The following KRT10 variants were observed in gnomAD, a reference collection of about 807,000 sequenced individuals.
The protein encoded by KRT10 is keratin, type I cytoskeletal 10.
Under a neutral mutation model 59.2 loss-of-function variants are expected in KRT10, and 40 were observed. The observed-to-expected ratio is 0.68, with a 90% CI of 0.52 to 0.88. KRT10 has a LOEUF of 0.88. Among genes scored for constraint, KRT10 ranks in the 40% least tolerant of loss-of-function variants. The pLI is 0.00. For missense variants in KRT10, 719 were observed against 749.1 expected, an observed-to-expected ratio of 0.96 and a Z score of 0.47; for synonymous variants, 336 against 310.7, an observed-to-expected ratio of 1.08 and a Z score of -0.86.
Position 40,820,625 on chromosome 17 carries a change from G to A in KRT10, c.753C>T (p.Asp251=). The A allele has an allele frequency of 6.2e-7, 1 of 1,614,196 alleles. No homozygotes were observed. Among genetic ancestry groups the A allele is most frequent in the Non-Finnish European group, 8.5e-7 (1 of 1,180,040 alleles). Residue 251 remains aspartate, a synonymous_variant, in exon 3 of 8, where the codon GAC becomes GAT. Transcript: ENST00000269576. The part of the protein sequence containing the change: ...EVALRQSVEA[D]INGLRRVLDE... Reference sequence around the variant, plus strand: ...CCAGCACCCTACGCAGGCCGTTGATGTCAGCCTCCACGCTCTGGCGCAGAG... The same window carrying A: ...CCAGCACCCTACGCAGGCCGTTGATATCAGCCTCCACGCTCTGGCGCAGAG...
intron 6 of KRT10, 86 bp from the exon 7 acceptor site, chr17:40,819,247 G>A: frequency 6.3e-7 from 1 of 1,579,266 alleles, no homozygotes; most frequent in Non-Finnish European, 8.5e-7. Context: ...TAGAAAATAA[G>A]CAAAACGTGT....
At chr17:40,818,553 T>G in intron 7 of KRT10, 71 bp from the exon 8 acceptor site, 1 of 1,293,374 alleles carries the variant, frequency 7.7e-7, no homozygotes, top group South Asian at 1.2e-5. Context: ...GCAAATATTG[T>G]AAAAAGAAGG....
At position 40,819,511 on chromosome 17, in the gene KRT10, A is replaced by T. The variant is rs759776596; in HGVS notation, c.1373+6T>A. 2 of 1,611,346 alleles carry T rather than the reference A, an allele frequency of 1.2e-6. No homozygotes were observed. Among genetic ancestry groups the T allele is most frequent in the Non-Finnish European group, 1.7e-6 (2 of 1,177,442 alleles). ...AACTGGGATAACTTTTCATTTTAAA[A>T]TTTACCTTCCCTCTCCTTCTAGCAG... is the stretch of plus-strand genomic sequence containing the variant. On this transcript the variant is annotated splice_donor_region_variant and intron_variant, in intron 6 of 7. Coordinates refer to ENST00000269576, the MANE Select transcript of KRT10 (RefSeq NM_000421.5).
At position 40,819,429 on chromosome 17, in the gene KRT10, T is replaced by C; in HGVS notation, c.1373+88A>G. ...CCTCTCTCCTCCCTTCCTCTCATTC[T>C]CTGGCATCTTCTTGGGGTTTAGATA... On this transcript the variant is annotated intron_variant, in intron 6 of 7. Coordinates refer to ENST00000269576, the MANE Select transcript of KRT10 (RefSeq NM_000421.5). The C allele has an allele frequency of 2.2e-6, 3 of 1,362,894 alleles. No individual in the cohort carries two copies. In the East Asian group the frequency reaches 6.9e-5, roughly 31 times the overall value. 84.4% of individuals were successfully genotyped at this position (1,362,894 alleles called of 1,614,324 possible). A position where few individuals can be genotyped will look rare whatever the true frequency, so the allele number is the denominator to read the frequency against.
At position 40,819,119 on chromosome 17, in the gene KRT10, G is replaced by GCCGCCGCCGAAACTTCCGCCGCCGCGT; in HGVS notation, c.1389_1415dup (p.Arg464_Gly472dup). The GCCGCCGCCGAAACTTCCGCCGCCGCGT allele has an allele frequency of 1.3e-6, 2 of 1,524,004 alleles. No homozygotes were observed. Among genetic ancestry groups the GCCGCCGCCGAAACTTCCGCCGCCGCGT allele is most frequent in the Non-Finnish European group, 1.7e-6 (2 of 1,145,450 alleles). 94.4% of individuals were successfully genotyped at this position (1,524,004 alleles called of 1,614,324 possible). On this transcript the variant is annotated inframe_insertion, in exon 7 of 8. Coordinates refer to ENST00000269576, the MANE Select transcript of KRT10 (RefSeq NM_000421.5). ...CGCCGCCGGAGCTTCCGCCGCCGTA[G>GCCGCCGCCGAAACTTCCGCCGCCGCGT]CCGCCGCCGAAACTTCCGCCGCCGC...
At chr17:40,821,687 T>G (rs1165832643) in intron 1 of KRT10, among the ~76,000 whole-genome samples, 1 of 152,160 alleles carries the variant, frequency 6.6e-6, no homozygotes, top group African/African-American at 2.4e-5. Context: ...GCCTAGCATA[T>G]TTTAACTGTG....
chr17:40,822,081 C>T lies in KRT10; in HGVS notation c.505G>A (p.Glu169Lys). The change falls in exon 1 of 8, where the codon GAA becomes AAA. Residue 169 changes from glutamate to lysine, a missense_variant. This residue lies in a region of KRT10 where 221 missense variants were observed against 277.8 expected (regional missense o/e 0.80). Coordinates refer to ENST00000269576, the MANE Select transcript of KRT10 (RefSeq NM_000421.5). ...SYLDKVRALE[E>K]SNYELEGKIK... ...TTGCCTTCCAGCTCATAGTTTGATT[C>T]TTCCAGAGCCCGAACTTTGTCCAAG... The T allele has an allele frequency of 6.2e-7, 1 of 1,614,126 alleles. No individual in the cohort carries two copies. The highest frequency in any genetic ancestry group is 8.5e-7 in the Non-Finnish European group (1 of 1,180,024).
chr17:40,819,558 A>C lies in KRT10; in HGVS notation c.1332T>G (p.Asn444Lys), dbSNP rs779973990. The C allele has an allele frequency of 6.8e-6, 11 of 1,614,200 alleles. No homozygotes were observed. Among genetic ancestry groups the C allele is most frequent in the Non-Finnish European group, 9.3e-6 (11 of 1,180,042 alleles). Residue 444 changes from asparagine to lysine, a missense_variant, in exon 6 of 8, where the codon AAT becomes AAG. Physicochemically the swap from Asn to Lys is moderately conservative, Grantham distance 94. This residue lies in a region of KRT10 where 315 missense variants were observed against 270.6 expected (regional missense o/e 1.16). Coordinates refer to ENST00000269576, the MANE Select transcript of KRT10 (RefSeq NM_000421.5). ...QLLDIKIRLE[N>K]EIQTYRSLLE... ...GCAGGCTGCGGTAGGTTTGAATTTC[A>C]TTCTCCAGTCGGATCTTAATATCCA...
At chr17:40,820,813 T>G in intron 2 of KRT10, 146 bp from the exon 3 acceptor site, 6 of 1,044,364 alleles carry the variant, frequency 5.7e-6, no homozygotes, top group Non-Finnish European at 8.5e-6. Context: ...TAATAGTGGT[T>G]TAATGGAAAA....
Position 40,818,851 on chromosome 17 carries a change from A to ATCCGCCGCCGGAGCT in KRT10, c.1683_1684insAGCTCCGGCGGCGGA (p.Gly565_His566insGlySerSerGlyGly). 7.1e-7 allele frequency: 1 copy of ATCCGCCGCCGGAGCT among 1,404,492 alleles called. No homozygotes were observed. Among genetic ancestry groups the ATCCGCCGCCGGAGCT allele is most frequent in the Non-Finnish European group, 9.5e-7 (1 of 1,054,678 alleles). The allele number at this position is 1,404,492 out of a possible 1,614,324, so 87.0% of individuals were successfully genotyped here. On this transcript the variant is annotated inframe_insertion, in exon 7 of 8. Transcript: ENST00000269576. ...GAGGAGGACTTGTGGCCTCCGCTGG[A>ATCCGCCGCCGGAGCT]GCTGCCGCCGCCGTATCCGCCGCCG...
At chr17:40,819,834 A>G in intron 5 of KRT10, 100 bp from the exon 6 acceptor site, 1 of 1,190,830 alleles carries the variant, frequency 8.4e-7, no homozygotes, top group Non-Finnish European at 1.2e-6. Flanking sequence ...AAGAATAAGA[A>G]AATGAACAGA....
In KRT10 at chr17:40,818,227, A is replaced by C; in HGVS notation, c.*249T>G. ...CTGGTAAAGTGAAAAGAAGAAATAC[A>C]GAAACCACAAAACACCTTGTAGACA... On this transcript the variant is annotated 3_prime_UTR_variant, in exon 8 of 8. Coordinates refer to ENST00000269576, the MANE Select transcript of KRT10 (RefSeq NM_000421.5). 1 of 470,712 alleles carries C rather than the reference A, an allele frequency of 2.1e-6. No individual in the cohort carries two copies. The highest frequency in any genetic ancestry group is 3.8e-6 in the Non-Finnish European group (1 of 265,310). 29.2% of individuals were successfully genotyped at this position (470,712 alleles called of 1,614,324 possible).
intron 5 of KRT10, 124 bp downstream of exon 5, chr17:40,819,925 G>T: frequency 7.8e-7 from 1 of 1,284,866 alleles, no homozygotes. Context: ...CCATTAACAT[G>T]AGCTTCACTT....
At chr17:40,821,186 G>T in intron 1 of KRT10, 69 bp from the exon 2 acceptor site, 1 of 1,070,952 alleles carries the variant, frequency 9.3e-7, no homozygotes, top group Non-Finnish European at 1.5e-6. Flanking sequence ...TGACATAGAT[G>T]CACTCTGCAC....
chr17:40,819,875 G>T, intron 5 of KRT10, 141 bp from the exon 6 acceptor site: 3 of 1,107,966 alleles, frequency 2.7e-6, no homozygotes, highest in Non-Finnish European at 4.1e-6. Context: ...CACCATTTCA[G>T]TTTCAGCACT....
rs1905253712 is a variant in KRT10, at chr17:40,819,601, G to C, written c.1289C>G (p.Thr430Ser). ...QIRAETECQN[T>S]EYQQLLDIKI... is the part of the protein sequence containing the mutation. The stretch of plus-strand genomic sequence containing the variant: ...AATATCCAGGAGTTGTTGGTATTCA[G>C]TATTCTGGCACTCGGTTTCAGCTCG... Residue 430 changes from threonine to serine, a missense_variant, in exon 6 of 8, where the codon ACT becomes AGT. Thr to Ser is a moderately conservative substitution (Grantham distance 58). Around this residue, in one of 4 missense-constraint regions of KRT10, gnomAD observed 315 missense variants for 270.6 expected, o/e 1.16. Coordinates refer to ENST00000269576, the MANE Select transcript of KRT10 (RefSeq NM_000421.5). 6.2e-7 allele frequency: 1 copy of C among 1,614,208 alleles called. No homozygotes were observed. The highest frequency in any genetic ancestry group is 2.2e-5 in the East Asian group (1 of 44,888).
intron 5 of KRT10, 89 bp downstream of exon 5, chr17:40,819,959 CT>C: frequency 1.3e-6 from 2 of 1,487,576 alleles, no homozygotes; most frequent in Non-Finnish European, 1.9e-6. Context: ...TTACCTCCAA[CT>C]CTGCATTTTT....
chr17:40,820,342 G>A lies in KRT10; in HGVS notation c.949C>T (p.Leu317Phe). ...NAAPGVDLTQ[L>F]LNNMRSQYEQ... ...TATTGGCTTCTCATGTTATTCAGAA[G>A]TTGAGTCAGATCAACACCCGGGGCA... Residue 317 changes from leucine (L) to phenylalanine (F), a missense_variant, in exon 4 of 8, where the codon CTT becomes TTT. Around this residue, in one of 4 missense-constraint regions of KRT10, gnomAD observed 221 missense variants for 277.8 expected, o/e 0.80. Coordinates refer to ENST00000269576, the MANE Select transcript of KRT10 (RefSeq NM_000421.5). 1 of 1,614,178 alleles carries A rather than the reference G, an allele frequency of 6.2e-7. No individual in the cohort carries two copies.
chr17:40,818,625 C>T, intron 7 of KRT10, 143 bp from the exon 8 acceptor site: 2 of 1,321,232 alleles, frequency 1.5e-6, no homozygotes, highest in Non-Finnish European at 2.1e-6. Context: ...TTTGATCATG[C>T]CATTTTTCAC....
Sources: allele counts gnomAD v4.1 joint callset (sites outside exome capture counted in the v4.1 genomes callset), GRCh38; gene constraint gnomAD v4.1.1; regional missense constraint gnomAD v4.1.1; transcripts MANE v1.5; gene names NCBI Gene and HGNC (gene_info 2026-07-23, HGNC 2026-07-21).